The following UBN1 variants were observed in gnomAD, a reference collection of about 807,000 sequenced individuals.
UBN1 encodes the protein ubinuclein 1, also known as ubinuclein-1.
Under a neutral mutation model 108.5 loss-of-function variants are expected in UBN1, and 17 were observed. That is an observed-to-expected ratio of 0.16 (90% CI 0.11 to 0.24). The LOEUF is 0.24. Among genes scored for constraint, UBN1 ranks in the 10% least tolerant of loss-of-function variants. The pLI is 1.00. For synonymous variants in UBN1, 726 were observed against 564.2 expected, an observed-to-expected ratio of 1.29 and a Z score of -4.07; for missense variants, 1,595 against 1,394.4, an observed-to-expected ratio of 1.14 and a Z score of -2.29.
intron 1 of UBN1, among the ~76,000 whole-genome samples, chr16:4,849,632 C>T (rs1394213707): frequency 2.0e-5 from 3 of 151,196 alleles, no homozygotes; most frequent in Non-Finnish European, 4.4e-5. Context: ...ACTCTTGTCG[C>T]CCAGGCTGGA....
At position 4,858,598 on chromosome 16, in the gene UBN1, C is replaced by A; in HGVS notation, c.367C>A (p.Gln123Lys). The change falls in exon 4 of 18, where the codon CAG (glutamine) becomes AAG (lysine). Residue 123 changes from glutamine to lysine, a missense_variant. By Grantham distance (53) the Gln-to-Lys change is moderately conservative (BLOSUM62 1). Around this residue, in one of 3 missense-constraint regions of UBN1, gnomAD observed 181 missense variants for 157.3 expected, o/e 1.15. Coordinates refer to ENST00000262376, the MANE Select transcript of UBN1 (RefSeq NM_001079514.3). The part of the protein sequence containing the change: ...GGKKRRKDRI[Q>K]DLIDMGYGYD... ...AAAGAAACGTAGAAAAGACCGAATACAGGACTTGATCGATATGGGGTATGG... is the reference window on the plus strand; with the variant it reads ...AAAGAAACGTAGAAAAGACCGAATAAAGGACTTGATCGATATGGGGTATGG... 1.2e-6 allele frequency: 2 copies of A among 1,614,166 alleles called. No individual in the cohort carries two copies. Among genetic ancestry groups the A allele is most frequent in the Non-Finnish European group, 1.7e-6 (2 of 1,180,018 alleles).
At position 4,874,349 on chromosome 16, in the gene UBN1, G is replaced by A; in HGVS notation, c.1939G>A (p.Gly647Ser). 1 of 1,614,094 alleles carries A rather than the reference G, an allele frequency of 6.2e-7. No individual in the cohort carries two copies. Among genetic ancestry groups the A allele is most frequent in the Non-Finnish European group, 8.5e-7 (1 of 1,180,028 alleles). ...CAGGGAGCTCCCATCCCAGGCATCG[G>A]GCGGCCTTGCTAACCCTCCTCCTGT... Reference protein sequence around the residue: ...SSRELPSQASGGLANPPPVNL... With the variant: ...SSRELPSQASSGLANPPPVNL... Residue 647 changes from glycine (G) to serine (S), a missense_variant, in exon 15 of 18, where the codon GGC (glycine) becomes AGC (serine). Gly to Ser is a moderately conservative substitution (Grantham distance 56, BLOSUM62 0). Transcript: ENST00000262376.
rs1344577445 is a variant in UBN1, at chr16:4,847,576, A to G, written c.-674A>G. The G allele has an allele frequency of 2.9e-5, 11 of 378,710 alleles. No individual in the cohort carries two copies. Among genetic ancestry groups the G allele is most frequent in the Non-Finnish European group, 4.3e-5 (9 of 210,176 alleles). 23.5% of individuals were successfully genotyped at this position (378,710 alleles called of 1,614,324 possible). On this transcript the variant is annotated 5_prime_UTR_variant, in exon 1 of 18. Transcript: ENST00000262376. ...GTGCGACCGGCTGAGCGCGAGAGGGAGCCGGCCTCGCGGCTCGCCCCGCCC... is the reference window on the plus strand; with the variant it reads ...GTGCGACCGGCTGAGCGCGAGAGGGGGCCGGCCTCGCGGCTCGCCCCGCCC...
chr16:4,872,863 C>T (rs1243524175), intron 12 of UBN1, 21 bp from the exon 13 acceptor site: 3 of 1,614,046 alleles, frequency 1.9e-6, no homozygotes, highest in Admixed American at 1.7e-5. Context: ...GTACAGATGC[C>T]TGGTGTTCTG....
At chr16:4,869,037 G>A (rs1415906396) in intron 8 of UBN1, 134 bp downstream of exon 8, 1 of 796,434 alleles carries the variant, frequency 1.3e-6, no homozygotes, top group Non-Finnish European at 1.9e-6. Flanking sequence ...AGAAGAATTG[G>A]ATTAACATGG....
At chr16:4,858,403 A>G (rs1188855972) in intron 3 of UBN1, among the ~76,000 whole-genome samples, 165 bp from the exon 4 acceptor site, 2 of 152,208 alleles carry the variant, frequency 1.3e-5, no homozygotes, top group Non-Finnish European at 1.5e-5. Flanking sequence ...GTTCTATGTT[A>G]AAAGGTTTTC....
intron 2 of UBN1, among the ~76,000 whole-genome samples, chr16:4,856,314 C>T (rs1356153028): frequency 6.6e-6 from 1 of 152,140 alleles, no homozygotes. Context: ...TCCTGGACTT[C>T]GGGTTCAGAA....
chr16:4,868,951 T>G, intron 8 of UBN1, 48 bp downstream of exon 8: 1 of 1,606,648 alleles, frequency 6.2e-7, no homozygotes. Context: ...CTGCTATTAC[T>G]GAGCTTGGGG....
In UBN1 at chr16:4,880,172, A is replaced by G; in HGVS notation, c.*40A>G. ...AGGCTTGCCACTTGGGTCTGGGTGG[A>G]ATCAGAACGTGCAGGTCTCCCAGGA... is the stretch of plus-strand genomic sequence containing the variant. On this transcript the variant is annotated 3_prime_UTR_variant, in exon 18 of 18. Transcript: ENST00000262376. The G allele has an allele frequency of 6.2e-7, 1 of 1,608,378 alleles. No homozygotes were observed. Among genetic ancestry groups the G allele is most frequent in the Non-Finnish European group, 8.5e-7 (1 of 1,175,076 alleles).
At position 4,870,605 on chromosome 16, in the gene UBN1, CCAGGCACACACG is replaced by C. The variant is rs767592039; in HGVS notation, c.1408_1419del (p.His470_Ala473del). 1.2e-6 allele frequency: 2 copies of C among 1,614,196 alleles called. No homozygotes were observed. The highest frequency in any genetic ancestry group is 1.7e-6 in the Non-Finnish European group (2 of 1,180,036). On this transcript the variant is annotated inframe_deletion, in exon 10 of 18. Coordinates refer to ENST00000262376, the MANE Select transcript of UBN1 (RefSeq NM_001079514.3). ...AGATGGCCAAGTACCAGGACGAATG[CCAGGCACACACG>C]CAGGCAAAGGTTGCCAAGTAAGTTT... is the stretch of plus-strand genomic sequence containing the variant.
chr16:4,874,165 G>A, intron 14 of UBN1, 46 bp from the exon 15 acceptor site: 1 of 1,505,178 alleles, frequency 6.6e-7, no homozygotes, highest in Non-Finnish European at 8.8e-7. Context: ...GCCAATGTTG[G>A]CATCTTTGGA....
chr16:4,858,720 TACTG>T (rs1421983277), intron 4 of UBN1, 57 bp downstream of exon 4: 2 of 1,550,128 alleles, frequency 1.3e-6, no homozygotes, highest in African/African-American at 1.4e-5. Context: ...CTCCTCCTGA[TACTG>T]ACCAGGAAGC....
chr16:4,875,670 A>G (rs917251108), intron 15 of UBN1, among the ~76,000 whole-genome samples: 1 of 152,160 alleles, frequency 6.6e-6, no homozygotes, highest in African/African-American at 2.4e-5. Flanking sequence ...GACCTAAAGG[A>G]TGGCCAGCAC....
chr16:4,864,615 T>A (rs2087232745), intron 7 of UBN1, among the ~76,000 whole-genome samples: 1 of 152,200 alleles, frequency 6.6e-6, no homozygotes, highest in Non-Finnish European at 1.5e-5. Context: ...GTACAGGTGC[T>A]GACAAAGCTC....
At chr16:4,869,009 G>T in intron 8 of UBN1, 106 bp downstream of exon 8, 1 of 1,016,322 alleles carries the variant, frequency 9.8e-7, no homozygotes, top group South Asian at 1.9e-5. Context: ...GCATAAAGGT[G>T]ACCACCAAGG....
chr16:4,867,299 C>T (rs937170197), intron 7 of UBN1, among the ~76,000 whole-genome samples: 9 of 152,102 alleles, frequency 5.9e-5, no homozygotes, highest in Non-Finnish European at 1.3e-4. Context: ...TGCAGTTGAC[C>T]CTTGAACAAC....
intron 12 of UBN1, chr16:4,872,407 C>T (rs1225275454): frequency 1.0e-6 from 1 of 972,456 alleles, no homozygotes; most frequent in Non-Finnish European, 1.2e-6. Flanking sequence ...TTGAGATCCT[C>T]TCACCAGGAA....
intron 7 of UBN1, among the ~76,000 whole-genome samples, 159 bp downstream of exon 7, chr16:4,861,261 A>G (rs1479747640): frequency 6.6e-6 from 1 of 152,246 alleles, no homozygotes; most frequent in Non-Finnish European, 1.5e-5. Context: ...GGGAGAAAAC[A>G]GTGTAAGCCT....
intron 1 of UBN1, among the ~76,000 whole-genome samples, chr16:4,848,946 A>G (rs1180763824): frequency 6.6e-6 from 1 of 152,168 alleles, no homozygotes; most frequent in Non-Finnish European, 1.5e-5. Flanking sequence ...TACTAAAAAT[A>G]CAAAATTAGC....
Sources: allele counts gnomAD v4.1 joint callset (sites outside exome capture counted in the v4.1 genomes callset), GRCh38; gene constraint gnomAD v4.1.1; regional missense constraint gnomAD v4.1.1; transcripts MANE v1.5; gene names NCBI Gene and HGNC (gene_info 2026-07-23, HGNC 2026-07-21).